The following CDH26 variants were observed in gnomAD, a reference collection of about 807,000 sequenced individuals.
CDH26 encodes the protein cadherin 26.
Under a neutral mutation model 90.3 loss-of-function variants are expected in CDH26, and 83 were observed. The ratio of observed to expected loss-of-function variants is 0.92; its 90% CI spans 0.77 to 1.10. CDH26 has a LOEUF of 1.10. Ranked by LOEUF, CDH26 falls within the 50% of genes least tolerant of loss-of-function variation. The pLI, the probability that CDH26 is intolerant of heterozygous loss-of-function variation, is 0.00. For synonymous variants in CDH26, 397 were observed against 396.3 expected, an observed-to-expected ratio of 1.00 and a Z score of -0.02; for missense variants, 1,013 against 1,037.6, an observed-to-expected ratio of 0.98 and a Z score of 0.33.
chr20:60,000,811 T>A (rs772786118), intron 14 of CDH26, among the ~76,000 whole-genome samples: 3 of 152,242 alleles, frequency 2.0e-5, no homozygotes, highest in Non-Finnish European at 4.4e-5. Flanking sequence ...TTTCTCTAAG[T>A]GAAGCCGTCA....
At chr20:59,962,910 A>T in intron 1 of CDH26, among the ~76,000 whole-genome samples, 1 of 152,148 alleles carries the variant, frequency 6.6e-6, no homozygotes, top group African/African-American at 2.4e-5. Context: ...GATGGGCAGG[A>T]TTGTGAGAAT....
chr20:60,025,989 A>G (rs1012999859), intron 7 of CDH26, among the ~76,000 whole-genome samples: 2 of 152,222 alleles, frequency 1.3e-5, no homozygotes, highest in Non-Finnish European at 2.9e-5. Flanking sequence ...TATTTCATTT[A>G]TGTGGAATCT....
At chr20:60,011,747 G>A (rs1229584758) in intron 17 of CDH26, among the ~76,000 whole-genome samples, 3 of 152,152 alleles carry the variant, frequency 2.0e-5, no homozygotes, top group Admixed American at 6.5e-5. Flanking sequence ...TGCACTTGGC[G>A]AGCATTGAGG....
chr20:59,986,616 T>A (rs1379608495), intron 7 of CDH26, among the ~76,000 whole-genome samples: 1 of 136,770 alleles, frequency 7.3e-6, no homozygotes, highest in Admixed American at 7.5e-5. Context: ...TAAATCCCCC[T>A]ACACACACAC....
At chr20:59,999,753 G>A (rs1425455181) in intron 14 of CDH26, 90 bp downstream of exon 14, 1 of 1,201,722 alleles carries the variant, frequency 8.3e-7, no homozygotes, top group African/African-American at 1.5e-5. Context: ...GCTCCTCCCA[G>A]TGCCACATCC....
At position 59,992,575 on chromosome 20, in the gene CDH26, G is replaced by A. The variant is rs1027659336; in HGVS notation, c.1426+55G>A. On this transcript the variant is annotated intron_variant, in intron 10 of 17. Coordinates refer to ENST00000348616, the MANE Select transcript of CDH26 (RefSeq NM_177980.4). The surrounding 1 kb of genome is among the most constrained non-coding windows in gnomAD (Gnocchi z 5.0). Reference sequence around the variant, plus strand: ...AAATGCTCATTCTTGCTTCCTGCGGGAAAATAACCCTGGTGAGCGTCTTTC... The same window carrying A: ...AAATGCTCATTCTTGCTTCCTGCGGAAAAATAACCCTGGTGAGCGTCTTTC... 1 of 1,584,224 alleles carries A rather than the reference G, an allele frequency of 6.3e-7. No homozygotes were observed. Among genetic ancestry groups the A allele is most frequent in the East Asian group, 2.2e-5 (1 of 44,662 alleles).
chr20:59,993,002 A>G (rs531056947), intron 10 of CDH26, among the ~76,000 whole-genome samples: 44 of 152,360 alleles, frequency 2.9e-4, no homozygotes, highest in African/African-American at 1.0e-3. Flanking sequence ...ACACCAAAGC[A>G]GAGTTGAAGA....
chr20:59,996,587 G>A (rs769434563), intron 12 of CDH26, 44 bp from the exon 13 acceptor site: 3 of 1,614,206 alleles, frequency 1.9e-6, no homozygotes, highest in Non-Finnish European at 2.5e-6. Context: ...CCTCTGATAT[G>A]GGTGAGCTTG....
At chr20:59,970,264 C>A in intron 3 of CDH26, 78 bp downstream of exon 3, 2 of 1,562,674 alleles carry the variant, frequency 1.3e-6, no homozygotes, top group South Asian at 1.2e-5. Context: ...AAGATTAAGT[C>A]TTGAAAGGTT....
At chr20:60,027,192 AG>A (rs1210709332) in intron 7 of CDH26, among the ~76,000 whole-genome samples, 1 of 152,180 alleles carries the variant, frequency 6.6e-6, no homozygotes, top group East Asian at 1.9e-4. Flanking sequence ...CCCCTCAGCC[AG>A]TAGGGGCCTC....
At chr20:59,975,164 G>A (rs1229840402) in intron 4 of CDH26, among the ~76,000 whole-genome samples, 1 of 152,170 alleles carries the variant, frequency 6.6e-6, no homozygotes, top group Non-Finnish European at 1.5e-5. Context: ...ACCTACCCCT[G>A]TGACCTTATT....
At chr20:59,994,211 A>G in intron 10 of CDH26, 39 bp from the exon 11 acceptor site, 1 of 1,612,362 alleles carries the variant, frequency 6.2e-7, no homozygotes, top group South Asian at 1.1e-5. Flanking sequence ...CTGTGTGTGC[A>G]CGAGATAAAC....
At chr20:60,032,669 T>TA (rs2062049195) in intron 8 of CDH26, among the ~76,000 whole-genome samples, 1 of 151,668 alleles carries the variant, frequency 6.6e-6, no homozygotes, top group African/African-American at 2.4e-5. Context: ...TATTCAGCCA[T>TA]AAAAAAGGGT....
At chr20:60,025,925 G>T (rs904096364) in intron 7 of CDH26, among the ~76,000 whole-genome samples, 1 of 152,160 alleles carries the variant, frequency 6.6e-6, no homozygotes, top group African/African-American at 2.4e-5. Flanking sequence ...AAATGAACCC[G>T]GCGTAGTGTT....
At chr20:59,984,923 C>A in intron 6 of CDH26, 78 bp from the exon 7 acceptor site, 1 of 1,572,578 alleles carries the variant, frequency 6.4e-7, no homozygotes, top group Non-Finnish European at 8.7e-7. Context: ...TATTGAAATT[C>A]CTAAACAGAA....
chr20:60,012,993 C>CCTG lies in CDH26; in HGVS notation c.*263_*264insCTG. 2.9e-6 allele frequency: 1 copy of CCTG among 350,858 alleles called. No individual in the cohort carries two copies. Among genetic ancestry groups the CCTG allele is most frequent in the South Asian group, 4.0e-5 (1 of 25,074 alleles). The allele number at this position is 350,858 out of a possible 1,614,324, so 21.7% of individuals were successfully genotyped here. On this transcript the variant is annotated 3_prime_UTR_variant, in exon 18 of 18. Transcript: ENST00000348616. ...GAAACTTGAATTTAATTGTGTTATT[C>CCTG]TTAGCTTCCACTGGCAGCCTAGCTT... is the stretch of plus-strand genomic sequence containing the variant.
At chr20:60,032,077 ATGG>A (rs2062043956) in intron 8 of CDH26, among the ~76,000 whole-genome samples, 1 of 152,278 alleles carries the variant, frequency 6.6e-6, no homozygotes, top group Non-Finnish European at 1.5e-5. Flanking sequence ...CATTATTAAA[ATGG>A]TGGCATAAAG....
intron 9 of CDH26, among the ~76,000 whole-genome samples, chr20:59,991,944 A>T (rs748428862): frequency 6.6e-6 from 1 of 152,168 alleles, no homozygotes; most frequent in Non-Finnish European, 1.5e-5. Flanking sequence ...GGGTTACCCA[A>T]CTGTGAACTG....
At chr20:59,982,860 A>AT (rs2061410244) in intron 4 of CDH26, 63 bp from the exon 5 acceptor site, 4 of 1,560,886 alleles carry the variant, frequency 2.6e-6, no homozygotes, top group South Asian at 2.3e-5. Flanking sequence ...GATAACAGTT[A>AT]TTTTATTAGA....
Sources: gnomAD v4.1 joint callset for allele counts (sites outside exome capture counted in the v4.1 genomes callset) on GRCh38, gnomAD v4.1.1 for gene constraint, Gnocchi (gnomAD v3.1) non-coding constraint, MANE v1.5 for transcripts, NCBI Gene and HGNC (gene_info 2026-07-23, HGNC 2026-07-21) for gene names.